SYAP1: variants seen among roughly 807,000 people sequenced by gnomAD.
The protein encoded by SYAP1 is synapse associated protein 1.
In SYAP1, 3 loss-of-function variants were observed where a neutral mutation model predicts 29.6. The observed-to-expected ratio is 0.10, with a 90% confidence interval of 0.05 to 0.26. SYAP1 has a LOEUF of 0.26. Ranked by LOEUF, SYAP1 falls within the 10% of genes least tolerant of loss-of-function variation. The pLI is 1.00. For missense variants in SYAP1, 217 were observed against 264.1 expected, an observed-to-expected ratio of 0.82 and a Z score of 1.24; for synonymous variants, 102 against 102.7, an observed-to-expected ratio of 0.99 and a Z score of 0.04.
At position 16,741,121 on chromosome X, in the gene SYAP1, T is replaced by C. The variant is rs751206385; in HGVS notation, c.362-595T>C. On this transcript the variant is annotated intron_variant, in intron 3 of 8. Transcript: ENST00000380155. The stretch of plus-strand genomic sequence containing the variant: ...TCTGGAAGGCCATGATGTTCATCTC[T>C]CCCTCATTGTTGATTTTGATCACCT... Among the ~76,000 whole-genome samples, 7 of 111,406 alleles carry C rather than the reference T, an allele frequency of 6.3e-5. No homozygotes were observed. The South Asian group carries it at 2.3e-3, about 36-fold the overall frequency.
chrX:16,736,921 T>G (rs1376790677), intron 3 of SYAP1, among the ~76,000 whole-genome samples: 2 of 111,228 alleles, frequency 1.8e-5, no homozygotes, highest in African/African-American at 6.5e-5. Flanking sequence ...TGGAAGAGCT[T>G]CCGAGGGAGG....
At chrX:16,727,823 T>C (rs1394609739) in intron 1 of SYAP1, among the ~76,000 whole-genome samples, 2 of 111,778 alleles carry the variant, frequency 1.8e-5, no homozygotes, top group Non-Finnish European at 3.8e-5. Flanking sequence ...ACACAAAATA[T>C]GAGGGCAGTT....
intron 3 of SYAP1, among the ~76,000 whole-genome samples, chrX:16,736,718 C>T (rs969557893): frequency 2.7e-5 from 3 of 111,723 alleles, no homozygotes; most frequent in African/African-American, 6.5e-5. Context: ...ACCATGTTGG[C>T]AGGCTGGTCT....
chrX:16,722,463 G>A (rs376751132), intron 1 of SYAP1, among the ~76,000 whole-genome samples: 4 of 108,955 alleles, frequency 3.7e-5, no homozygotes, highest in African/African-American at 1.0e-4. Flanking sequence ...GGGAGGCGGA[G>A]GTTGCAGTGA....
At chrX:16,737,088 C>T (rs893465063) in intron 3 of SYAP1, among the ~76,000 whole-genome samples, 1 of 111,976 alleles carries the variant, frequency 8.9e-6, no homozygotes, top group Admixed American at 9.6e-5. Context: ...AAACCAGCCT[C>T]GTGTCTTTAG....
rs1369447238 is a variant in SYAP1 at position 16,761,030 on chromosome X, A to G, written c.*671A>G. On this transcript the variant is annotated 3_prime_UTR_variant, in exon 9 of 9. Coordinates refer to ENST00000380155, the MANE Select transcript of SYAP1 (RefSeq NM_032796.4). ...CACCGGAGGTCAGGAGTTCGAGACC[A>G]GCCTTGCCAACATAGTGAAACCCTG... 1 of 110,021 alleles carries G rather than the reference A, an allele frequency of 9.1e-6. No individual in the cohort carries two copies. The highest frequency in any genetic ancestry group is 1.9e-5 in the Non-Finnish European group (1 of 52,876). 9.1% of individuals were successfully genotyped at this position (110,021 alleles called of 1,213,427 possible). A position where few individuals can be genotyped will look rare whatever the true frequency, so the allele number is the denominator to read the frequency against.
chrX:16,760,323 T>A lies in SYAP1; in HGVS notation c.1023T>A (p.Asp341Glu). The A allele has an allele frequency of 1.7e-6, 2 of 1,202,092 alleles. No individual in the cohort carries two copies. Among genetic ancestry groups the A allele is most frequent in the Non-Finnish European group, 2.2e-6 (2 of 891,798 alleles). ...CTGAAAAACGAGATGAAAACTGGGA[T>A]AAGGAAATAGAGAAAATGCTTCAAG... ...TESEKRDENW[D>E]KEIEKMLQEE... is the part of the protein sequence containing the mutation. Residue 341 changes from aspartate to glutamate, a missense_variant, in exon 9 of 9, where the codon GAT becomes GAA. Coordinates refer to ENST00000380155, the MANE Select transcript of SYAP1 (RefSeq NM_032796.4).
intron 1 of SYAP1, among the ~76,000 whole-genome samples, chrX:16,727,321 A>C (rs1410646776): frequency 9.6e-6 from 1 of 104,358 alleles, no homozygotes; most frequent in African/African-American, 3.5e-5. Flanking sequence ...TTTGTTCCAT[A>C]GAAGGAATCT....
intron 5 of SYAP1, among the ~76,000 whole-genome samples, chrX:16,747,072 T>C (rs774443337): frequency 9.0e-6 from 1 of 111,499 alleles, no homozygotes; most frequent in South Asian, 3.8e-4. Flanking sequence ...TGTCTCGGCC[T>C]CCCAAGTAGC....
rs975419614 is a variant in SYAP1, at chrX:16,763,451, C to T, written c.*3092C>T. 9.1e-6 allele frequency: 1 copy of T among 110,307 alleles called. No individual in the cohort carries two copies. The highest frequency in any genetic ancestry group is 1.9e-5 in the Non-Finnish European group (1 of 52,815). The allele number at this position is 110,307 out of a possible 1,213,427, so 9.1% of individuals were successfully genotyped here. ...CACGGCAACCTCCGCCTCCCAAGTT[C>T]AAGCGATTCTCCCACCTCAGCCTCC... On this transcript the variant is annotated 3_prime_UTR_variant, in exon 9 of 9. Coordinates refer to ENST00000380155, the MANE Select transcript of SYAP1 (RefSeq NM_032796.4).
At chrX:16,754,875 T>C in intron 5 of SYAP1, 70 bp from the exon 6 acceptor site, 1 of 1,083,634 alleles carries the variant, frequency 9.2e-7, no homozygotes, top group South Asian at 1.9e-5. Context: ...AATGTGTTCT[T>C]GTCTGTCTGC....
intron 5 of SYAP1, among the ~76,000 whole-genome samples, chrX:16,744,072 C>G (rs1370106346): frequency 1.8e-5 from 2 of 112,343 alleles, no homozygotes; most frequent in African/African-American, 6.5e-5. Flanking sequence ...CAAGGTAGAA[C>G]ACATTTCCCT....
chrX:16,747,535 G>T (rs1187167911), intron 5 of SYAP1, among the ~76,000 whole-genome samples: 1 of 112,575 alleles, frequency 8.9e-6, no homozygotes, highest in Non-Finnish European at 1.9e-5. Flanking sequence ...GTGGCCTGGG[G>T]TGCTCATAGC....
At chrX:16,726,756 T>C (rs187078936) in intron 1 of SYAP1, among the ~76,000 whole-genome samples, 54 of 111,906 alleles carry the variant, frequency 4.8e-4, no homozygotes, top group Non-Finnish European at 8.6e-4. Context: ...AATGCAGCAC[T>C]GAAGTAGAAG....
chrX:16,744,142 G>A (rs893057124), intron 5 of SYAP1, among the ~76,000 whole-genome samples: 6 of 112,458 alleles, frequency 5.3e-5, no homozygotes, highest in African/African-American at 1.6e-4. Flanking sequence ...GAGGCTCATC[G>A]GGATCTTTTT....
chrX:16,721,409 T>G (rs1377695622), intron 1 of SYAP1, among the ~76,000 whole-genome samples: 2 of 110,833 alleles, frequency 1.8e-5, no homozygotes, highest in Non-Finnish European at 3.8e-5. Flanking sequence ...TTTTTGTATT[T>G]TTAGTAGAGA....
chrX:16,756,171 CT>C (rs202144923), intron 6 of SYAP1, among the ~76,000 whole-genome samples: 1,399 of 112,032 alleles, frequency 0.012, 27 homozygotes, highest in African/African-American at 0.044. Context: ...TAAAGACTGC[CT>C]TTTTCTAGCA....
chrX:16,759,304 G>T (rs991735007), intron 8 of SYAP1, among the ~76,000 whole-genome samples: 3 of 109,683 alleles, frequency 2.7e-5, no homozygotes, highest in African/African-American at 1.0e-4. Context: ...GGCAGAGGTT[G>T]CAGTGAGCCG....
At chrX:16,756,583 T>A in intron 6 of SYAP1, 80 bp from the exon 7 acceptor site, 1 of 825,974 alleles carries the variant, frequency 1.2e-6, no homozygotes, top group East Asian at 3.2e-5. Context: ...TCATAATACT[T>A]GTGGATATTT....
Sources: allele counts gnomAD v4.1 joint callset (sites outside exome capture counted in the v4.1 genomes callset), GRCh38; gene constraint gnomAD v4.1.1; transcripts MANE v1.5; gene names NCBI Gene and HGNC (gene_info 2026-07-23, HGNC 2026-07-21).